The following ASZ1 variants were observed in gnomAD, a reference collection of about 807,000 sequenced individuals.
The protein encoded by ASZ1 is ankyrin repeat, SAM and basic leucine zipper domain containing 1, also known as ankyrin repeat, SAM and basic leucine zipper domain-containing protein 1.
In ASZ1, 67 loss-of-function variants were observed where a neutral mutation model predicts 61.8. The observed-to-expected ratio is 1.08, with a 90% CI of 0.89 to 1.33. ASZ1 has a LOEUF of 1.33. ASZ1 is among the 40% of genes most tolerant of loss of function. ASZ1 has a pLI of 0.00. For synonymous variants in ASZ1, 193 were observed against 192.7 expected, an observed-to-expected ratio of 1.00 and a Z score of -0.01; for missense variants, 577 against 554.5, an observed-to-expected ratio of 1.04 and a Z score of -0.41.
chr7:117,388,796 C>T (rs1387238902), intron 4 of ASZ1, among the ~76,000 whole-genome samples: 3 of 151,680 alleles, frequency 2.0e-5, no homozygotes, highest in Non-Finnish European at 2.9e-5. Context: ...CGGAACAAGA[C>T]AAGGAAAAAG....
chr7:117,378,217 T>A lies in ASZ1; in HGVS notation c.1055+1721A>T, dbSNP rs192103957. 1.2e-3 allele frequency among the ~76,000 whole-genome samples: 185 copies of A among 152,224 alleles called. 1 individual carries two copies. Among genetic ancestry groups the A allele is most frequent in the Non-Finnish European group, 1.3e-4 (9 of 67,990 alleles). ...CTTAGACCTCATCAAAATAAAAGTT[T>A]CTGCTCTGTGAAAGACCCCATTAAG... On this transcript the variant is annotated intron_variant, in intron 10 of 12. Transcript: ENST00000284629.
Position 117,384,868 on chromosome 7 carries a change from TA to T in ASZ1, c.553-9del. The T allele has an allele frequency of 6.4e-7, 1 of 1,560,772 alleles. No individual in the cohort carries two copies. The highest frequency in any genetic ancestry group is 8.6e-7 in the Non-Finnish European group (1 of 1,160,556). Reference sequence around the variant, plus strand: ...TGCTGCCCACGTTAAAGCCTGTAAGTAGGGGGAAAAGAAGATTGTTTAAAGA... The same window carrying T: ...TGCTGCCCACGTTAAAGCCTGTAAGTGGGGGAAAAGAAGATTGTTTAAAGA... On this transcript the variant is annotated splice_polypyrimidine_tract_variant and intron_variant, in intron 5 of 12. Coordinates refer to ENST00000284629, the MANE Select transcript of ASZ1 (RefSeq NM_130768.3).
At chr7:117,409,870 T>G (rs1796858882) in intron 4 of ASZ1, among the ~76,000 whole-genome samples, 1 of 151,812 alleles carries the variant, frequency 6.6e-6, no homozygotes, top group Non-Finnish European at 1.5e-5. Context: ...TTTAACTAGA[T>G]TAGAATTAAG....
intron 4 of ASZ1, among the ~76,000 whole-genome samples, chr7:117,407,140 G>T (rs1431202408): frequency 6.6e-6 from 1 of 151,976 alleles, no homozygotes; most frequent in Non-Finnish European, 1.5e-5. Context: ...GATTAAAAAA[G>T]GGGAACTATA....
intron 10 of ASZ1, among the ~76,000 whole-genome samples, chr7:117,374,525 C>G (rs1796103812): frequency 6.6e-6 from 1 of 151,948 alleles, no homozygotes; most frequent in Admixed American, 6.6e-5. Flanking sequence ...CAAGTCTCTA[C>G]TAACATGTAA....
At chr7:117,386,744 G>A (rs564024395) in intron 4 of ASZ1, among the ~76,000 whole-genome samples, 36 of 152,268 alleles carry the variant, frequency 2.4e-4, no homozygotes, top group African/African-American at 8.2e-4. Flanking sequence ...CTATTTCTCT[G>A]TAAGGTTTGT....
intron 5 of ASZ1, among the ~76,000 whole-genome samples, chr7:117,385,315 A>T (rs780151574): frequency 8.6e-5 from 13 of 151,618 alleles, no homozygotes; most frequent in Non-Finnish European, 1.6e-4. Context: ...GCTGAAGTGC[A>T]GTGGTGCGAT....
intron 2 of ASZ1, among the ~76,000 whole-genome samples, chr7:117,424,922 G>A (rs890472622): frequency 2.6e-5 from 4 of 152,060 alleles, no homozygotes; most frequent in Admixed American, 6.6e-5. Context: ...CTTTAAAAGC[G>A]TATTTTAATT....
At chr7:117,366,529 C>T (rs1312899603) in intron 12 of ASZ1, among the ~76,000 whole-genome samples, 6 of 151,832 alleles carry the variant, frequency 4.0e-5, no homozygotes, top group African/African-American at 9.7e-5. Flanking sequence ...GCTCTTTAGT[C>T]GACTGGAAGT....
intron 12 of ASZ1, among the ~76,000 whole-genome samples, chr7:117,366,107 T>C (rs527973924): frequency 1.1e-4 from 17 of 152,152 alleles, no homozygotes; most frequent in Middle Eastern, 6.8e-3. Flanking sequence ...CTACTAAAAA[T>C]ACAAAAATTA....
At chr7:117,415,789 G>A (rs1469333653) in intron 4 of ASZ1, among the ~76,000 whole-genome samples, 1 of 152,170 alleles carries the variant, frequency 6.6e-6, no homozygotes, top group Non-Finnish European at 1.5e-5. Context: ...GGTATTCAGT[G>A]ATATTAACGT....
intron 2 of ASZ1, among the ~76,000 whole-genome samples, chr7:117,426,261 C>G (rs1349492877): frequency 4.0e-5 from 6 of 150,376 alleles, no homozygotes; most frequent in South Asian, 2.1e-4. Flanking sequence ...ACAGGCGGAT[C>G]ACAAGGTCAG....
At chr7:117,418,766 A>G (rs960122139) in intron 4 of ASZ1, among the ~76,000 whole-genome samples, 42 of 152,104 alleles carry the variant, frequency 2.8e-4, no homozygotes, top group African/African-American at 9.7e-4. Context: ...GTTCAAGACC[A>G]GCCTGGGCAA....
chr7:117,382,763 T>G (rs1453867120), intron 7 of ASZ1, among the ~76,000 whole-genome samples: 3 of 152,092 alleles, frequency 2.0e-5, no homozygotes, highest in Admixed American at 6.6e-5. Flanking sequence ...TGTTGATATC[T>G]TACTTAAAGT....
intron 4 of ASZ1, among the ~76,000 whole-genome samples, chr7:117,406,275 A>G (rs1379061096): frequency 6.6e-6 from 1 of 152,256 alleles, no homozygotes; most frequent in African/African-American, 2.4e-5. Context: ...TTTGAAACAA[A>G]AACACAGTCA....
intron 4 of ASZ1, among the ~76,000 whole-genome samples, chr7:117,393,532 A>G (rs1220926108): frequency 2.6e-5 from 4 of 151,916 alleles, no homozygotes; most frequent in East Asian, 3.9e-4. Flanking sequence ...GTATTTTTTT[A>G]TCTTGATATT....
At chr7:117,393,546 C>T (rs1341714054) in intron 4 of ASZ1, among the ~76,000 whole-genome samples, 2 of 151,522 alleles carry the variant, frequency 1.3e-5, no homozygotes, top group Non-Finnish European at 2.9e-5. Flanking sequence ...TGATATTTAC[C>T]AGGTATAAAT....
chr7:117,393,977 A>C (rs1477129185), intron 4 of ASZ1, among the ~76,000 whole-genome samples: 1 of 152,210 alleles, frequency 6.6e-6, no homozygotes, highest in East Asian at 1.9e-4. Flanking sequence ...ATAAATAACT[A>C]TACATAGTTT....
chr7:117,425,539 A>T (rs1475728839), intron 2 of ASZ1, among the ~76,000 whole-genome samples: 1 of 151,832 alleles, frequency 6.6e-6, no homozygotes, highest in Non-Finnish European at 1.5e-5. Context: ...AAGTGCTGGG[A>T]TTACAGGCGT....
Sources: allele counts gnomAD v4.1 joint callset (sites outside exome capture counted in the v4.1 genomes callset), GRCh38; gene constraint gnomAD v4.1.1; transcripts MANE v1.5; gene names NCBI Gene and HGNC (gene_info 2026-07-23, HGNC 2026-07-21).